FNBP1: variants seen among roughly 807,000 people sequenced by gnomAD.
FNBP1 encodes formin-binding protein 1.
A neutral mutation model predicts 90.6 loss-of-function variants in FNBP1; 26 were observed. That is an observed-to-expected ratio of 0.29 (90% CI 0.21 to 0.40). The LOEUF (loss-of-function observed/expected upper bound fraction) is 0.40, where lower values mean the gene tolerates loss of function less well. Among genes scored for constraint, FNBP1 ranks in the 10% least tolerant of loss-of-function variants. The pLI is 1.00. For missense variants in FNBP1, 635 were observed against 768.0 expected (o/e 0.83, Z 2.05); for synonymous variants, 260 against 265.2 (o/e 0.98, Z 0.19).
chr9:129,921,453 G>T (rs2131828583), intron 10 of FNBP1, among the ~76,000 whole-genome samples: 1 of 151,518 alleles, frequency 6.6e-6, no homozygotes, highest in African/African-American at 2.4e-5. Context: ...GAGTGCAATA[G>T]CGTGATCTTG....
chr9:129,991,210 C>CT (rs1241385229), intron 2 of FNBP1, among the ~76,000 whole-genome samples: 2 of 151,780 alleles, frequency 1.3e-5, no homozygotes, highest in Non-Finnish European at 2.9e-5. Context: ...GGTTTTTGAC[C>CT]TAAACCAGGA....
rs778693811 is a variant in FNBP1 at position 129,978,531 on chromosome 9, GT to G, written c.278del (p.Asn93ThrfsTer17). The G allele has an allele frequency of 1.2e-6, 2 of 1,613,622 alleles. No homozygotes were observed. Among genetic ancestry groups the G allele is most frequent in the South Asian group, 2.2e-5 (2 of 91,072 alleles). On this transcript the variant is annotated frameshift_variant, in exon 4 of 17. Coordinates refer to ENST00000446176, the MANE Select transcript of FNBP1 (RefSeq NM_015033.3). LOFTEE classifies it high-confidence loss of function. The stretch of plus-strand genomic sequence containing the variant: ...AGTCCACAATGATCTGTGATGCCAT[GT>G]TCTCGGAGATAACTTCATGCTGCCC... ...YAGQHEVISENMASQIIVDLA... is the reference protein window; with the variant it reads ...YAGQHEVISEXMASQIIVDLA...
chr9:130,050,939 C>T, the FNBP1 span, among the ~76,000 whole-genome samples: 1 of 148,842 alleles, frequency 6.7e-6, no homozygotes, highest in African/African-American at 2.5e-5. Flanking sequence ...CTCGCTCTGT[C>T]ACACAGGCTG....
At chr9:130,026,865 C>T (rs1019033427) in intron 1 of FNBP1, among the ~76,000 whole-genome samples, 1 of 151,164 alleles carries the variant, frequency 6.6e-6, no homozygotes, top group Non-Finnish European at 1.5e-5. Flanking sequence ...ACTTGTGAGG[C>T]TGAGGTGGAA....
chr9:129,970,690 C>T (rs1053849851), intron 4 of FNBP1, among the ~76,000 whole-genome samples: 1 of 152,154 alleles, frequency 6.6e-6, no homozygotes, highest in African/African-American at 2.4e-5. Context: ...TGGCGAACAT[C>T]TCACTGAAAA....
At chr9:129,968,597 A>G (rs1406764898) in intron 4 of FNBP1, among the ~76,000 whole-genome samples, 2 of 152,132 alleles carry the variant, frequency 1.3e-5, no homozygotes, top group South Asian at 2.1e-4. Flanking sequence ...GCCCCTTCAT[A>G]AGATCCATAA....
intron 4 of FNBP1, among the ~76,000 whole-genome samples, chr9:129,963,897 G>T (rs545349650): frequency 2.3e-4 from 35 of 152,230 alleles, no homozygotes; most frequent in Non-Finnish European, 4.3e-4. Flanking sequence ...TTACAGGCAT[G>T]AGCCACCATG....
intron 4 of FNBP1, among the ~76,000 whole-genome samples, chr9:129,964,656 G>A (rs2048307247): frequency 6.7e-6 from 1 of 148,232 alleles, no homozygotes; most frequent in African/African-American, 2.5e-5. Flanking sequence ...TAAGAAAAAC[G>A]ACAATGGCAA....
At chr9:129,902,576 A>C (rs1285364972) in intron 13 of FNBP1, among the ~76,000 whole-genome samples, 2 of 152,210 alleles carry the variant, frequency 1.3e-5, no homozygotes, top group African/African-American at 2.4e-5. Context: ...TGGGCAACAA[A>C]GCAAAATCCT....
intron 16 of FNBP1, among the ~76,000 whole-genome samples, chr9:129,894,870 G>A (rs1160077657): frequency 6.6e-6 from 1 of 152,120 alleles, no homozygotes; most frequent in Non-Finnish European, 1.5e-5. Context: ...GACCAGCCTG[G>A]CCAACAGAGC....
intron 1 of FNBP1, among the ~76,000 whole-genome samples, chr9:130,014,860 G>T (rs2057057265): frequency 6.7e-6 from 1 of 149,860 alleles, no homozygotes. Flanking sequence ...ATGTTCCTCT[G>T]TTTTCTTCCC....
At chr9:129,947,748 G>A (rs1248739503) in intron 6 of FNBP1, among the ~76,000 whole-genome samples, 6 of 151,366 alleles carry the variant, frequency 4.0e-5, no homozygotes, top group Non-Finnish European at 5.9e-5. Flanking sequence ...TCAGTCTCCC[G>A]AGTAGCTGAC....
intron 12 of FNBP1, among the ~76,000 whole-genome samples, chr9:129,904,550 C>T (rs950431176): frequency 3.9e-5 from 6 of 152,170 alleles, no homozygotes; most frequent in South Asian, 2.1e-4. Flanking sequence ...CCAAAAGATA[C>T]ATTCTGAGTC....
At position 130,031,201 on chromosome 9, in the gene FNBP1, A is replaced by G. The variant is rs2058771374; in HGVS notation, c.24+11751T>C. ...AATGCAATAGATAGAAAGGCTCTCTACTGAAACCCACTCCAGTAATCCAGT... is the reference window on the plus strand; with the variant it reads ...AATGCAATAGATAGAAAGGCTCTCTGCTGAAACCCACTCCAGTAATCCAGT... On this transcript the variant is annotated intron_variant, in intron 1 of 16. Transcript: ENST00000446176. The surrounding 1 kb of genome is among the most constrained non-coding windows in gnomAD (Gnocchi z 4.2). Among the ~76,000 whole-genome samples the G allele has an allele frequency of 6.6e-6, 1 of 152,190 alleles. No individual in the cohort carries two copies. Among genetic ancestry groups the G allele is most frequent in the African/African-American group, 2.4e-5 (1 of 41,450 alleles).
intron 6 of FNBP1, 107 bp from the exon 7 acceptor site, chr9:129,929,802 T>C: frequency 9.9e-7 from 1 of 1,007,220 alleles, no homozygotes; most frequent in East Asian, 2.5e-5. Flanking sequence ...AGGGGCCAGA[T>C]TTACCTCAAA....
intron 2 of FNBP1, among the ~76,000 whole-genome samples, chr9:129,984,228 G>A (rs2051768933): frequency 6.6e-6 from 1 of 150,796 alleles, no homozygotes; most frequent in African/African-American, 2.4e-5. Flanking sequence ...AACAACAAAA[G>A]GTGAAAAAAT....
Position 129,890,267 on chromosome 9 carries a change from AG to A in FNBP1, c.*271del. 1 of 521,078 alleles carries A rather than the reference AG, an allele frequency of 1.9e-6. No homozygotes were observed. Among genetic ancestry groups the A allele is most frequent in the Non-Finnish European group, 3.4e-6 (1 of 294,122 alleles). 32.3% of individuals were successfully genotyped at this position (521,078 alleles called of 1,614,324 possible). On this transcript the variant is annotated 3_prime_UTR_variant, in exon 17 of 17. Coordinates refer to ENST00000446176, the MANE Select transcript of FNBP1 (RefSeq NM_015033.3). The surrounding 1 kb of genome is among the most constrained non-coding windows in gnomAD (Gnocchi z 5.8). ...GTAGGGGCGTGTGTCCCACCGTCTCAGTGGCCTGCGCGGGGTGGGGAGGGGG... is the reference window on the plus strand; with the variant it reads ...GTAGGGGCGTGTGTCCCACCGTCTCATGGCCTGCGCGGGGTGGGGAGGGGG...
chr9:129,975,613 G>A (rs1042200203), intron 4 of FNBP1, among the ~76,000 whole-genome samples: 1 of 151,914 alleles, frequency 6.6e-6, no homozygotes, highest in Non-Finnish European at 1.5e-5. Context: ...ACACAGCAAA[G>A]GAATACGAGG....
chr9:129,995,108 T>C (rs2053782125), intron 1 of FNBP1, 150 bp from the exon 2 acceptor site: 1 of 582,636 alleles, frequency 1.7e-6, no homozygotes, highest in Non-Finnish European at 3.0e-6. Context: ...GTTGAGCCAT[T>C]TTAAATCAAC....
Sources: gnomAD v4.1 joint callset for allele counts (sites outside exome capture counted in the v4.1 genomes callset) on GRCh38, gnomAD v4.1.1 for gene constraint, Gnocchi (gnomAD v3.1) non-coding constraint, MANE v1.5 for transcripts, NCBI Gene and HGNC (gene_info 2026-07-23, HGNC 2026-07-21) for gene names.